BCL7C: variants seen among roughly 807,000 people sequenced by gnomAD.
BCL7C encodes the protein B-cell CLL/lymphoma 7 protein family member C.
BCL7C carries 8 observed loss-of-function variants against 26.2 expected under a neutral mutation model. That is an observed-to-expected ratio of 0.30 (90% confidence interval 0.18 to 0.55). BCL7C has a LOEUF of 0.55. Ranked by LOEUF, BCL7C falls within the 20% of genes least tolerant of loss-of-function variation. The probability of loss-of-function intolerance (pLI) is 0.93; values close to 1 mark genes in which losing one functional copy is unlikely to be tolerated. For missense variants in BCL7C, 262 were observed against 298.5 expected, an observed-to-expected ratio of 0.88 and a Z score of 0.90; for synonymous variants, 90 against 116.5, an observed-to-expected ratio of 0.77 and a Z score of 1.47.
chr16:30,862,128 G>A (rs181410638), intron 5 of BCL7C, among the ~76,000 whole-genome samples: 13 of 151,850 alleles, frequency 8.6e-5, no homozygotes, highest in Middle Eastern at 3.4e-3. Context: ...GAGCCACCGC[G>A]CCCGGCCTGG....
chr16:30,884,120 G>T (rs1355933733), downstream of BCL7C, among the ~76,000 whole-genome samples: 1 of 142,556 alleles, frequency 7.0e-6, no homozygotes. Context: ...GCGAAACTCC[G>T]TCTCAAAAAA....
At chr16:30,888,779 G>A (rs1414863346) in intron 5 of BCL7C, 81 bp downstream of exon 5, 6 of 1,354,802 alleles carry the variant, frequency 4.4e-6, no homozygotes, top group East Asian at 2.3e-5. Context: ...AGGCCCTCAG[G>A]ACGCAGGCTC....
chr16:30,851,780 A>T, intron 5 of BCL7C: 1 of 418,836 alleles, frequency 2.4e-6, no homozygotes, highest in Non-Finnish European at 4.4e-6. Flanking sequence ...TGGCTTTGGG[A>T]AGTACTTTAG....
chr16:30,839,985 A>C (rs754014011), intron 5 of BCL7C, among the ~76,000 whole-genome samples: 6 of 152,292 alleles, frequency 3.9e-5, no homozygotes, highest in Admixed American at 1.3e-4. Flanking sequence ...ATGCTGGTGG[A>C]GAGAACACAT....
At chr16:30,877,597 G>A (rs1418251594) in intron 5 of BCL7C, among the ~76,000 whole-genome samples, 2 of 151,956 alleles carry the variant, frequency 1.3e-5, no homozygotes, top group Non-Finnish European at 2.9e-5. Flanking sequence ...CCGCCACCGC[G>A]CCCAGCTAAT....
chr16:30,869,632 C>T (rs931827250), intron 5 of BCL7C, among the ~76,000 whole-genome samples: 1 of 151,940 alleles, frequency 6.6e-6, no homozygotes, highest in African/African-American at 2.4e-5. Flanking sequence ...CTGCCTTCGC[C>T]TGCAGTGTAG....
intron 5 of BCL7C, among the ~76,000 whole-genome samples, chr16:30,836,940 C>T (rs565656778): frequency 4.3e-4 from 66 of 151,974 alleles, no homozygotes; most frequent in African/African-American, 1.5e-3. Flanking sequence ...ACTACAGGTG[C>T]GTGCCACCAC....
At position 30,856,553 on chromosome 16, in the gene BCL7C, G is replaced by GA. The variant is rs1260039090; in HGVS notation, c.529-21406dup. Among the ~76,000 whole-genome samples the GA allele has an allele frequency of 4.0e-5, 6 of 151,850 alleles. 1 individual carries two copies. Among genetic ancestry groups the GA allele is most frequent in the Admixed American group, 3.9e-4 (6 of 15,230 alleles). ...CTGCTATTTGTTATGTGAATCCCTA[G>GA]ACTAATTCAGTCGCATCTGTATTCT... On this transcript the variant is annotated intron_variant, in intron 5 of 5. Transcript: ENST00000380317.
chr16:30,887,747 CT>C, downstream of BCL7C: 1 of 1,460,282 alleles, frequency 6.8e-7, no homozygotes, highest in East Asian at 2.5e-5. Context: ...ACAAAACTGT[CT>C]CCAAAGACCC....
At chr16:30,847,731 G>A (rs1017881487) in intron 5 of BCL7C, among the ~76,000 whole-genome samples, 6 of 151,904 alleles carry the variant, frequency 3.9e-5, no homozygotes, top group African/African-American at 1.5e-4. Context: ...GGGAGGCGGA[G>A]GTTGCCAAGA....
At position 30,893,028 on chromosome 16, in the gene BCL7C, A is replaced by C; in HGVS notation, c.172-80T>G. The C allele has an allele frequency of 7.1e-7, 1 of 1,401,426 alleles. No homozygotes were observed. Among genetic ancestry groups the C allele is most frequent in the East Asian group, 2.3e-5 (1 of 43,394 alleles). 86.8% of individuals were successfully genotyped at this position (1,401,426 alleles called of 1,614,324 possible). A position where few individuals can be genotyped will look rare whatever the true frequency, so the allele number is the denominator to read the frequency against. On this transcript the variant is annotated intron_variant, in intron 2 of 5. Coordinates refer to ENST00000215115, the MANE Select transcript of BCL7C (RefSeq NM_004765.4). This position sits in a 1 kb window ranked among gnomAD's most constrained non-coding sequence, Gnocchi z 5.2. ...AGGAAACTGAGGCACTGAGAAGCAAAAGGGCTCAAACTCAGGGGGTGTGGA... is the reference window on the plus strand; with the variant it reads ...AGGAAACTGAGGCACTGAGAAGCAACAGGGCTCAAACTCAGGGGGTGTGGA...
chr16:30,835,114 T>C (rs957453318), exon 6 of BCL7C: 3 of 1,532,236 alleles, frequency 2.0e-6, no homozygotes, highest in Non-Finnish European at 2.6e-6. Flanking sequence ...CCCCTTCTCG[T>C]GAAGGGCTCT....
At position 30,834,937 on chromosome 16, in the gene BCL7C, G is replaced by A. The variant is rs570229090; in HGVS notation, c.*11C>T. On this transcript the variant is annotated 3_prime_UTR_variant, in exon 6 of 6. Coordinates refer to the BCL7C transcript ENST00000380317. The surrounding 1 kb of genome is among the most constrained non-coding windows in gnomAD (Gnocchi z 4.3). The stretch of plus-strand genomic sequence containing the variant: ...AGGCTTTAGGGGTCTTGGCTTGCTT[G>A]GGGAGCCCACTCACCTCCCCTTACC... The A allele has an allele frequency of 1.8e-4, 276 of 1,514,382 alleles. 1 individual carries two copies. The African/African-American group carries it at 3.4e-3, about 19-fold the overall frequency. 93.8% of individuals were successfully genotyped at this position (1,514,382 alleles called of 1,614,324 possible). A position where few individuals can be genotyped will look rare whatever the true frequency, so the allele number is the denominator to read the frequency against.
At chr16:30,888,497 C>T (rs1213317676) in intron 5 of BCL7C, among the ~76,000 whole-genome samples, 7 of 151,950 alleles carry the variant, frequency 4.6e-5, no homozygotes, top group East Asian at 1.9e-4. Flanking sequence ...CCACCACGCC[C>T]GGCTAATTTT....
At chr16:30,871,764 T>A (rs1314542014) in intron 5 of BCL7C, among the ~76,000 whole-genome samples, 1 of 152,108 alleles carries the variant, frequency 6.6e-6, no homozygotes, top group Non-Finnish European at 1.5e-5. Flanking sequence ...GGATTACAGG[T>A]GTGAGCCATC....
At chr16:30,853,499 C>T (rs2054694445) in intron 5 of BCL7C, among the ~76,000 whole-genome samples, 2 of 152,186 alleles carry the variant, frequency 1.3e-5, no homozygotes, top group South Asian at 4.1e-4. Context: ...GAGGCACTAT[C>T]ACTCTTTCAA....
chr16:30,848,778 C>T (rs1004027526), intron 5 of BCL7C, among the ~76,000 whole-genome samples: 1 of 151,856 alleles, frequency 6.6e-6, no homozygotes, highest in Admixed American at 6.6e-5. Flanking sequence ...CCTGTAATCC[C>T]GGCTACTCAG....
intron 5 of BCL7C, among the ~76,000 whole-genome samples, chr16:30,864,284 A>C (rs1389821827): frequency 1.3e-5 from 2 of 152,014 alleles, no homozygotes; most frequent in Non-Finnish European, 2.9e-5. Flanking sequence ...ATTATGCTGA[A>C]CCCCCTTGGA....
In BCL7C at chr16:30,834,974, T is replaced by C; in HGVS notation, c.703A>G (p.Thr235Ala). Residue 235 changes from threonine to alanine, a missense_variant, in exon 6 of 6, where the codon ACA (threonine) becomes GCA (alanine). By Grantham distance (58) the Thr-to-Ala change is moderately conservative. Transcript: ENST00000380317. The surrounding 1 kb of genome is among the most constrained non-coding windows in gnomAD (Gnocchi z 4.3). ...CACCTCCCCTTACCCTGGGGGATTGTTCTGGGTGCCCTCGGGGCCTTGCTG... is the reference window on the plus strand; with the variant it reads ...CACCTCCCCTTACCCTGGGGGATTGCTCTGGGTGCCCTCGGGGCCTTGCTG... 6.5e-7 allele frequency: 1 copy of C among 1,546,546 alleles called. No individual in the cohort carries two copies. The highest frequency in any genetic ancestry group is 8.7e-7 in the Non-Finnish European group (1 of 1,145,606).
Sources: gnomAD v4.1 joint callset for allele counts (sites outside exome capture counted in the v4.1 genomes callset) on GRCh38, gnomAD v4.1.1 for gene constraint, Gnocchi (gnomAD v3.1) non-coding constraint, MANE v1.5 for transcripts, NCBI Gene and HGNC (gene_info 2026-07-23, HGNC 2026-07-21) for gene names.